PSPC1: variants seen among roughly 807,000 people sequenced by gnomAD.
The protein encoded by PSPC1 is paraspeckle protein 1.
A neutral mutation model predicts 51.6 loss-of-function variants in PSPC1; 14 were observed. The observed-to-expected ratio is 0.27, with a 90% CI of 0.18 to 0.42. The LOEUF (loss-of-function observed/expected upper bound fraction) is 0.42. Among genes scored for constraint, PSPC1 ranks in the 10% least tolerant of loss-of-function variants. PSPC1 has a pLI of 1.00. For synonymous variants in PSPC1, 193 were observed against 231.9 expected, an observed-to-expected ratio of 0.83 and a Z score of 1.53; for missense variants, 406 against 701.1, an observed-to-expected ratio of 0.58 and a Z score of 4.75.
intron 6 of PSPC1, among the ~76,000 whole-genome samples, chr13:19,696,695 T>C (rs1464460163): frequency 6.6e-6 from 1 of 152,200 alleles, no homozygotes; most frequent in Non-Finnish European, 1.5e-5. Context: ...TCTATTCATA[T>C]TCACCATGAG....
At chr13:19,683,738 T>C (rs1295717937) in intron 6 of PSPC1, among the ~76,000 whole-genome samples, 12 of 152,174 alleles carry the variant, frequency 7.9e-5, no homozygotes, top group Admixed American at 7.9e-4. Context: ...CATTTATAAA[T>C]ATTAAAAATA....
At chr13:19,671,331 G>T, downstream of PSPC1, 1 of 1,546,862 alleles carries the variant, frequency 6.5e-7, no homozygotes, top group Non-Finnish European at 8.9e-7. Context: ...TACTCAAGTT[G>T]TTGCTCCAGA....
At chr13:19,691,984 G>C (rs78016175) in intron 6 of PSPC1, among the ~76,000 whole-genome samples, 2 of 152,060 alleles carry the variant, frequency 1.3e-5, no homozygotes, top group Non-Finnish European at 2.9e-5. Flanking sequence ...GTGAGCAAGC[G>C]GGGAGGGATG....
chr13:19,744,565 CT>C (rs1395061709), intron 4 of PSPC1, among the ~76,000 whole-genome samples: 1 of 149,668 alleles, frequency 6.7e-6, no homozygotes, highest in Non-Finnish European at 1.5e-5. Context: ...CTTTTTTTTT[CT>C]TTTTTTTCTT....
chr13:19,740,645 G>C (rs1369111444), intron 5 of PSPC1, among the ~76,000 whole-genome samples: 1 of 151,942 alleles, frequency 6.6e-6, no homozygotes, highest in African/African-American at 2.4e-5. Context: ...TTCCTAACTA[G>C]TATGATTTTT....
intron 6 of PSPC1, among the ~76,000 whole-genome samples, chr13:19,718,178 T>C (rs1176091825): frequency 6.6e-6 from 1 of 152,190 alleles, no homozygotes; most frequent in East Asian, 1.9e-4. Context: ...ATTCAGGCAA[T>C]TAAAAACAAC....
chr13:19,730,961 A>AC (rs1555236459), intron 5 of PSPC1, among the ~76,000 whole-genome samples: 6 of 23,590 alleles, frequency 2.5e-4, no homozygotes, highest in East Asian at 9.4e-3. Context: ...AAAAAACAAA[A>AC]AAACAAAAAA....
intron 5 of PSPC1, among the ~76,000 whole-genome samples, chr13:19,730,965 C>CAAA (rs56753561): frequency 0.11 from 4,114 of 37,242 alleles, 170 homozygotes; most frequent in Admixed American, 0.17. Context: ...AACAAAAAAA[C>CAAA]AAAAAAAAAA....
chr13:19,742,643 A>G (rs912041051), intron 4 of PSPC1, among the ~76,000 whole-genome samples: 1 of 152,036 alleles, frequency 6.6e-6, no homozygotes, highest in Admixed American at 6.6e-5. Flanking sequence ...GGAGATTGAG[A>G]CAGGAGAATC....
chr13:19,673,167 G>C (rs1040175762), downstream of PSPC1: 2 of 452,522 alleles, frequency 4.4e-6, no homozygotes, highest in Middle Eastern at 3.3e-4. Flanking sequence ...TGGGGCTTAG[G>C]TAACAGCCAA....
intron 6 of PSPC1, among the ~76,000 whole-genome samples, chr13:19,716,586 C>G (rs1323726200): frequency 3.9e-5 from 6 of 152,056 alleles, no homozygotes; most frequent in African/African-American, 7.2e-5. Context: ...CAGGAATCAC[C>G]ACATGCTATT....
At chr13:19,773,137 T>C (rs1268143693) in intron 1 of PSPC1, among the ~76,000 whole-genome samples, 2 of 151,892 alleles carry the variant, frequency 1.3e-5, no homozygotes, top group South Asian at 4.2e-4. Context: ...TCCAGCCTGG[T>C]GAACAGAGCA....
At chr13:19,735,286 G>A (rs1466449398) in intron 5 of PSPC1, among the ~76,000 whole-genome samples, 6 of 152,154 alleles carry the variant, frequency 3.9e-5, no homozygotes, top group African/African-American at 9.7e-5. Context: ...ACTCCAGCCT[G>A]GGCGACAAGA....
chr13:19,736,782 G>A (rs1022949772), intron 5 of PSPC1, among the ~76,000 whole-genome samples: 3 of 152,016 alleles, frequency 2.0e-5, no homozygotes, highest in South Asian at 2.1e-4. Context: ...TGTGCCTCAC[G>A]AGCTTCCCCT....
chr13:19,736,473 G>T (rs1286497094), intron 5 of PSPC1, among the ~76,000 whole-genome samples: 2 of 151,982 alleles, frequency 1.3e-5, no homozygotes, highest in Non-Finnish European at 2.9e-5. Flanking sequence ...CACAAGGTCA[G>T]CAGATCGAGA....
chr13:19,688,830 G>C (rs1372435240), intron 6 of PSPC1, among the ~76,000 whole-genome samples: 1 of 151,870 alleles, frequency 6.6e-6, no homozygotes. Flanking sequence ...GGACCCTATA[G>C]ATTGTTTAGA....
intron 2 of PSPC1, among the ~76,000 whole-genome samples, chr13:19,765,613 T>C (rs1365143893): frequency 1.3e-5 from 2 of 151,426 alleles, no homozygotes; most frequent in East Asian, 3.9e-4. Context: ...AGGTGCCTAC[T>C]ACTACACTCA....
intron 6 of PSPC1, among the ~76,000 whole-genome samples, chr13:19,722,270 G>A (rs1295492983): frequency 4.0e-5 from 6 of 151,896 alleles, no homozygotes; most frequent in Non-Finnish European, 7.4e-5. Context: ...GCAGAGGCAG[G>A]AGGATTGCTT....
intron 5 of PSPC1, among the ~76,000 whole-genome samples, chr13:19,730,930 G>T (rs1264543165): frequency 7.9e-6 from 1 of 127,268 alleles, no homozygotes; most frequent in Admixed American, 9.5e-5. Context: ...CTGGGCAACA[G>T]TGAGACCCTG....
Sources: gnomAD v4.1 joint callset for allele counts (sites outside exome capture counted in the v4.1 genomes callset) on GRCh38, gnomAD v4.1.1 for gene constraint, MANE v1.5 for transcripts, NCBI Gene and HGNC (gene_info 2026-07-23, HGNC 2026-07-21) for gene names.